TESK2: variants seen among roughly 807,000 people sequenced by gnomAD.
The protein encoded by TESK2 is testis associated actin remodelling kinase 2.
In TESK2, 39 loss-of-function variants were observed where a neutral mutation model predicts 57.1. The ratio of observed to expected loss-of-function variants is 0.68; its 90% confidence interval spans 0.53 to 0.89. The LOEUF is 0.89. TESK2 is among the 40% of genes least tolerant of loss of function. TESK2 has a pLI of 0.00. For missense variants in TESK2, 646 were observed against 732.1 expected (o/e 0.88, Z 1.36); for synonymous variants, 249 against 267.9 (o/e 0.93, Z 0.69).
chr1:45,392,718 T>A (rs867539082), intron 3 of TESK2, among the ~76,000 whole-genome samples: 16 of 149,812 alleles, frequency 1.1e-4, no homozygotes, highest in South Asian at 2.1e-4. Flanking sequence ...AAAAAAAAAA[T>A]TTATTTTTTA....
chr1:45,374,297 GACAA>G (rs1648319082), intron 4 of TESK2, among the ~76,000 whole-genome samples: 2 of 152,134 alleles, frequency 1.3e-5, no homozygotes, highest in African/African-American at 4.8e-5. Flanking sequence ...TCCAGTTACT[GACAA>G]TTCAGCAGTG....
chr1:45,348,134 A>C, intron 5 of TESK2, 134 bp from the exon 6 acceptor site: 2 of 674,802 alleles, frequency 3.0e-6, no homozygotes, highest in Non-Finnish European at 5.4e-6. Flanking sequence ...ACTCAAGCTG[A>C]CCCCACTGGT....
intron 1 of TESK2, 46 bp from the exon 2 acceptor site, chr1:45,457,917 T>A: frequency 1.5e-6 from 1 of 682,052 alleles, no homozygotes; most frequent in Non-Finnish European, 2.5e-6. Flanking sequence ...AATGAATAAA[T>A]ACATGTAAAG....
chr1:45,370,641 G>A (rs996691472), intron 4 of TESK2, among the ~76,000 whole-genome samples: 2 of 152,190 alleles, frequency 1.3e-5, no homozygotes, highest in African/African-American at 4.8e-5. Flanking sequence ...TGAGGAATTG[G>A]TTGGGCCAGG....
chr1:45,431,325 G>A (rs1191818440), intron 2 of TESK2, among the ~76,000 whole-genome samples: 1 of 152,132 alleles, frequency 6.6e-6, no homozygotes, highest in Non-Finnish European at 1.5e-5. Context: ...GGCTGAGGCA[G>A]AAGAATCGCT....
At chr1:45,368,387 G>GT (rs1460242477) in intron 4 of TESK2, among the ~76,000 whole-genome samples, 1 of 149,606 alleles carries the variant, frequency 6.7e-6, no homozygotes, top group African/African-American at 2.5e-5. Context: ...CTTTTGTTTT[G>GT]TTTTTCAGAC....
At chr1:45,457,072 G>A (rs945042840) in intron 2 of TESK2, among the ~76,000 whole-genome samples, 3 of 152,084 alleles carry the variant, frequency 2.0e-5, no homozygotes, top group South Asian at 2.1e-4. Context: ...AGCCTCAAGC[G>A]AGCCTCCTGA....
intron 4 of TESK2, among the ~76,000 whole-genome samples, chr1:45,383,502 T>C (rs1239979297): frequency 6.6e-6 from 1 of 152,242 alleles, no homozygotes; most frequent in Non-Finnish European, 1.5e-5. Context: ...GTATGTTTTA[T>C]ATGGCTATAA....
At chr1:45,442,961 T>A (rs1373612024) in intron 2 of TESK2, among the ~76,000 whole-genome samples, 1 of 152,204 alleles carries the variant, frequency 6.6e-6, no homozygotes. Flanking sequence ...AATTTTAGTA[T>A]TTTTAGTAAT....
chr1:45,397,888 C>T (rs1649432095), intron 3 of TESK2, among the ~76,000 whole-genome samples: 1 of 152,114 alleles, frequency 6.6e-6, no homozygotes, highest in African/African-American at 2.4e-5. Flanking sequence ...CCAGACATGT[C>T]CACATATTAA....
In TESK2 at chr1:45,346,709, G is replaced by A. The variant is rs770462671; in HGVS notation, c.863C>T (p.Thr288Ile). Residue 288 changes from threonine (T) to isoleucine (I), a missense_variant, in exon 9 of 11, where the codon ACT (threonine) becomes ATT (isoleucine). Physicochemically the swap from Thr to Ile is moderately conservative, Grantham distance 89. Coordinates refer to ENST00000372086, the MANE Select transcript of TESK2 (RefSeq NM_007170.3). ...GDCPPDFLQL[T>I]FNCCNMDPKL... ...GACACTCACGTTACAGCAGTTGAAA[G>A]TAAGTTGCAGAAAATCTGGGGGACA... 1.9e-6 allele frequency: 3 copies of A among 1,613,710 alleles called. No homozygotes were observed. Among genetic ancestry groups the A allele is most frequent in the Non-Finnish European group, 2.5e-6 (3 of 1,179,922 alleles).
chr1:45,466,600 T>C (rs2149302892), intron 1 of TESK2, among the ~76,000 whole-genome samples: 1 of 150,870 alleles, frequency 6.6e-6, no homozygotes, highest in East Asian at 1.9e-4. Context: ...CAGTGAGCCA[T>C]GACCACACCA....
chr1:45,457,143 A>C (rs774402393), intron 2 of TESK2, among the ~76,000 whole-genome samples: 19 of 152,190 alleles, frequency 1.2e-4, no homozygotes, highest in Non-Finnish European at 2.4e-4. Flanking sequence ...GAAGATAAGC[A>C]AACAAAAACT....
Position 45,355,326 on chromosome 1 carries a change from A to C in TESK2, c.517T>G (p.Phe173Val). 1.2e-6 allele frequency: 2 copies of C among 1,614,072 alleles called. No homozygotes were observed. The highest frequency in any genetic ancestry group is 1.7e-6 in the Non-Finnish European group (2 of 1,180,014). Residue 173 changes from phenylalanine (F) to valine (V), a missense_variant, in exon 5 of 11, where the codon TTT becomes GTT. Transcript: ENST00000372086. The stretch of plus-strand genomic sequence containing the variant: ...ACCTTAGATGTGAGGTCCCGATGAA[A>C]AATGCCTTTGAAGTGAAGGTAGCTG... ...GLSYLHFKGI[F>V]HRDLTSKNCL...
intron 1 of TESK2, among the ~76,000 whole-genome samples, chr1:45,459,235 G>A (rs755523977): frequency 1.1e-4 from 16 of 152,202 alleles, no homozygotes; most frequent in Non-Finnish European, 2.1e-4. Context: ...CTGCTGGCCA[G>A]GGGCATTTTC....
chr1:45,488,508 T>TGTA (rs1049622027), intron 1 of TESK2, among the ~76,000 whole-genome samples: 1 of 152,210 alleles, frequency 6.6e-6, no homozygotes, highest in African/African-American at 2.4e-5. Flanking sequence ...CTGTTTCACC[T>TGTA]GTACTGAAAA....
intron 4 of TESK2, among the ~76,000 whole-genome samples, chr1:45,367,994 AT>A (rs879353372): frequency 0.016 from 1,684 of 106,944 alleles, 18 homozygotes; most frequent in African/African-American, 0.046. Context: ...GACCATTGAA[AT>A]TTTTTTTTTT....
chr1:45,430,886 A>T (rs187071142), intron 2 of TESK2, among the ~76,000 whole-genome samples: 3 of 152,324 alleles, frequency 2.0e-5, no homozygotes, highest in Admixed American at 2.0e-4. Context: ...TAGCGTAAAG[A>T]GCTACAGTTT....
At chr1:45,396,805 GTTTT>G (rs55739766) in intron 3 of TESK2, among the ~76,000 whole-genome samples, 1 of 73,558 alleles carries the variant, frequency 1.4e-5, no homozygotes, top group Non-Finnish European at 2.4e-5. Context: ...CAGCTAAGTT[GTTTT>G]TTTTTTTTTT....
Sources: allele counts gnomAD v4.1 joint callset (sites outside exome capture counted in the v4.1 genomes callset), GRCh38; gene constraint gnomAD v4.1.1; transcripts MANE v1.5; gene names NCBI Gene and HGNC (gene_info 2026-07-23, HGNC 2026-07-21).